Variants in CDH13 observed in about 807,000 individuals in gnomAD.
The protein encoded by CDH13 is cadherin-13.
Under a neutral mutation model 63.8 loss-of-function variants are expected in CDH13, and 24 were observed. The ratio of observed to expected loss-of-function variants is 0.38; its 90% CI spans 0.27 to 0.53. CDH13 has a LOEUF of 0.53. Among genes scored for constraint, CDH13 ranks in the 20% least tolerant of loss-of-function variants. The probability of loss-of-function intolerance (pLI) is 0.85; values close to 1 mark genes in which losing one functional copy is unlikely to be tolerated. For synonymous variants in CDH13, 503 were observed against 355.3 expected (o/e 1.42, Z -4.67); for missense variants, 1,049 against 903.1 (o/e 1.16, Z -2.07).
Position 83,001,477 on chromosome 16 carries a change from T to G in CDH13, c.158-30533T>G, listed in dbSNP as rs560827969. On this transcript the variant is annotated intron_variant, in intron 2 of 13. Coordinates refer to ENST00000567109, the MANE Select transcript of CDH13 (RefSeq NM_001257.5). ...AATGGGCCAGTATTCAAAATGCCAT[T>G]GCTCACATGAAAACAGAGCTGCCAG... 2.4e-4 allele frequency among the ~76,000 whole-genome samples: 37 copies of G among 152,388 alleles called. No individual in the cohort carries two copies. In the South Asian group the frequency reaches 7.7e-3, roughly 32 times the overall value.
intron 1 of CDH13, among the ~76,000 whole-genome samples, chr16:82,659,624 C>T (rs34599384): frequency 0.15 from 22,303 of 152,202 alleles, 1,831 homozygotes; most frequent in Middle Eastern, 0.21. Context: ...TATAATACCA[C>T]GTCCACAAGA....
At chr16:82,676,896 G>T (rs567258378) in intron 1 of CDH13, among the ~76,000 whole-genome samples, 1 of 147,290 alleles carries the variant, frequency 6.8e-6, no homozygotes, top group East Asian at 1.9e-4. Flanking sequence ...GTTTTGTTTT[G>T]TTTTTTTCAA....
At chr16:83,054,358 A>G (rs2030702845) in intron 3 of CDH13, among the ~76,000 whole-genome samples, 1 of 152,244 alleles carries the variant, frequency 6.6e-6, no homozygotes, top group Admixed American at 6.5e-5. Context: ...ATATGCCAGC[A>G]TCACTAATCT....
intron 5 of CDH13, among the ~76,000 whole-genome samples, chr16:83,338,183 T>TAAAA (rs1408439057): frequency 2.0e-3 from 111 of 56,466 alleles, no homozygotes; most frequent in African/African-American, 7.4e-3. Context: ...CCTCTTCTTT[T>TAAAA]TAAAAAAAAA....
rs369990145 is a variant in CDH13 at position 83,470,128 on chromosome 16, C to T, written c.782-16349C>T. Among the ~76,000 whole-genome samples the T allele has an allele frequency of 4.2e-3, 635 of 152,338 alleles. 6 individuals are homozygous for T. The highest frequency in any genetic ancestry group is 0.015 in the African/African-American group (605 of 41,584). On this transcript the variant is annotated intron_variant, in intron 6 of 13. Coordinates refer to ENST00000567109, the MANE Select transcript of CDH13 (RefSeq NM_001257.5). ...ATCAAAGCCCCTGCACACACATACA[C>T]CTGTGTGCACACTCTCGCTTTGACA...
chr16:83,611,586 AC>A (rs1598367829), intron 8 of CDH13, among the ~76,000 whole-genome samples: 1 of 145,332 alleles, frequency 6.9e-6, no homozygotes, highest in African/African-American at 2.5e-5. Context: ...TATTTTTCAA[AC>A]CCCTCCCTAG....
chr16:83,578,586 G>A (rs1394830513), intron 7 of CDH13, among the ~76,000 whole-genome samples: 2 of 152,178 alleles, frequency 1.3e-5, no homozygotes, highest in Non-Finnish European at 2.9e-5. Flanking sequence ...ACTAAGGGCA[G>A]TAAATATTCA....
chr16:82,894,721 G>C (rs1024085129), intron 2 of CDH13, among the ~76,000 whole-genome samples: 1 of 152,138 alleles, frequency 6.6e-6, no homozygotes, highest in Non-Finnish European at 1.5e-5. Context: ...AAATAGAGAC[G>C]ATGGGAAGTA....
intron 1 of CDH13, among the ~76,000 whole-genome samples, chr16:82,718,982 C>G (rs1304117838): frequency 6.6e-6 from 1 of 152,184 alleles, no homozygotes; most frequent in Non-Finnish European, 1.5e-5. Context: ...CGTATCTGTT[C>G]TGGTTGATTG....
At chr16:82,705,394 GC>G in intron 1 of CDH13, 3 of 269,116 alleles carry the variant, frequency 1.1e-5, no homozygotes, top group Non-Finnish European at 2.2e-5. Context: ...CATTAGCCAA[GC>G]CACACAATCG....
At chr16:83,036,752 T>G (rs1384135078) in intron 3 of CDH13, among the ~76,000 whole-genome samples, 1 of 152,176 alleles carries the variant, frequency 6.6e-6, no homozygotes, top group Non-Finnish European at 1.5e-5. Flanking sequence ...TTGGTGATCT[T>G]GTCGTGCAGC....
chr16:83,416,902 TA>T (rs553501421), intron 6 of CDH13, among the ~76,000 whole-genome samples: 1 of 151,934 alleles, frequency 6.6e-6, no homozygotes, highest in Non-Finnish European at 1.5e-5. Context: ...ATGGTTATGC[TA>T]AAAAAAATGT....
At chr16:82,955,081 G>A (rs988971919) in intron 2 of CDH13, among the ~76,000 whole-genome samples, 4 of 152,124 alleles carry the variant, frequency 2.6e-5, no homozygotes, top group East Asian at 1.9e-4. Context: ...TTTGAATAAC[G>A]TTGCTGTGAA....
intron 13 of CDH13, among the ~76,000 whole-genome samples, chr16:83,784,822 G>A (rs898466877): frequency 6.6e-6 from 1 of 151,942 alleles, no homozygotes; most frequent in Non-Finnish European, 1.5e-5. Flanking sequence ...TCTTCCCACT[G>A]CAAAGCCCAA....
chr16:83,273,242 A>T (rs1396637196), intron 5 of CDH13, among the ~76,000 whole-genome samples: 1 of 152,062 alleles, frequency 6.6e-6, no homozygotes, highest in Non-Finnish European at 1.5e-5. Flanking sequence ...TATAAATTGC[A>T]TGTCACAGAG....
chr16:83,311,940 G>C (rs1239292624), intron 5 of CDH13, among the ~76,000 whole-genome samples: 1 of 151,992 alleles, frequency 6.6e-6, no homozygotes, highest in Non-Finnish European at 1.5e-5. Context: ...CAGGCGTGGT[G>C]GTGCATGCCT....
chr16:83,595,156 T>A (rs1907136220), intron 7 of CDH13, among the ~76,000 whole-genome samples: 1 of 152,192 alleles, frequency 6.6e-6, no homozygotes, highest in Non-Finnish European at 1.5e-5. Context: ...AGTTTTCCAG[T>A]TTTGACACAG....
intron 7 of CDH13, among the ~76,000 whole-genome samples, chr16:83,575,454 C>T (rs542201654): frequency 1.8e-4 from 28 of 152,194 alleles, no homozygotes; most frequent in Non-Finnish European, 4.0e-4. Flanking sequence ...CCAATCTGAG[C>T]CTGTCCATAG....
At chr16:82,819,594 A>G (rs1323389632) in intron 1 of CDH13, among the ~76,000 whole-genome samples, 3 of 152,092 alleles carry the variant, frequency 2.0e-5, no homozygotes, top group African/African-American at 7.2e-5. Context: ...GCAACATGGG[A>G]GACAGAGGAA....
Sources: allele counts gnomAD v4.1 joint callset (sites outside exome capture counted in the v4.1 genomes callset), GRCh38; gene constraint gnomAD v4.1.1; transcripts MANE v1.5; gene names NCBI Gene and HGNC (gene_info 2026-07-23, HGNC 2026-07-21).